The following HPSE2 variants were observed in gnomAD, a reference collection of about 807,000 sequenced individuals.
HPSE2 encodes inactive heparanase-2.
HPSE2 carries 38 observed loss-of-function variants against 60.5 expected under a neutral mutation model. The observed-to-expected ratio is 0.63, with a 90% CI of 0.48 to 0.82. The LOEUF (loss-of-function observed/expected upper bound fraction) is 0.82, where lower values mean the gene tolerates loss of function less well. Among genes scored for constraint, HPSE2 ranks in the 40% least tolerant of loss-of-function variants. The pLI is 0.00. For synonymous variants in HPSE2, 295 were observed against 293.2 expected (o/e 1.01, Z -0.06); for missense variants, 713 against 740.4 (o/e 0.96, Z 0.43).
chr10:99,081,030 G>A (rs552506230), intron 3 of HPSE2, among the ~76,000 whole-genome samples: 6 of 152,232 alleles, frequency 3.9e-5, no homozygotes, highest in African/African-American at 9.6e-5. Context: ...TCCTGACCTC[G>A]TGATCCACCC....
chr10:98,718,999 C>T (rs1014192477), intron 5 of HPSE2, among the ~76,000 whole-genome samples: 11 of 152,074 alleles, frequency 7.2e-5, no homozygotes, highest in East Asian at 3.9e-4. Flanking sequence ...CAAATACGTA[C>T]GATTTTTATG....
intron 9 of HPSE2, among the ~76,000 whole-genome samples, chr10:98,567,725 T>C (rs1224609554): frequency 6.7e-6 from 1 of 148,314 alleles, no homozygotes; most frequent in Non-Finnish European, 1.5e-5. Flanking sequence ...GAATATTTCC[T>C]TCGTGTTTCT....
intron 6 of HPSE2, among the ~76,000 whole-genome samples, chr10:98,654,394 T>C (rs1947002933): frequency 6.6e-6 from 1 of 152,230 alleles, no homozygotes; most frequent in African/African-American, 2.4e-5. Flanking sequence ...TTGTCGCACA[T>C]TTCTTGGCTA....
chr10:99,139,846 C>G (rs1312549367), intron 3 of HPSE2, among the ~76,000 whole-genome samples: 1 of 152,042 alleles, frequency 6.6e-6, no homozygotes, highest in Non-Finnish European at 1.5e-5. Flanking sequence ...CAATATCAAC[C>G]CAGGTGGGTG....
chr10:99,051,454 G>T (rs1589578617), intron 3 of HPSE2, among the ~76,000 whole-genome samples: 1 of 152,230 alleles, frequency 6.6e-6, no homozygotes, highest in East Asian at 1.9e-4. Flanking sequence ...GTGCCAAATG[G>T]TACAGAAATC....
intron 3 of HPSE2, among the ~76,000 whole-genome samples, chr10:98,772,233 G>T (rs1950255581): frequency 1.3e-5 from 2 of 152,176 alleles, no homozygotes; most frequent in Admixed American, 1.3e-4. Flanking sequence ...ATGGTTAACA[G>T]AGCATGACAT....
intron 11 of HPSE2, among the ~76,000 whole-genome samples, chr10:98,459,948 A>G (rs1940214137): frequency 6.6e-6 from 1 of 152,128 alleles, no homozygotes; most frequent in African/African-American, 2.4e-5. Context: ...CCCTGAGGTA[A>G]GTAACTATTA....
In HPSE2 at chr10:98,868,077, GAAAA is replaced by G. The variant is rs1383099952; in HGVS notation, c.611-124025_611-124022del. The stretch of plus-strand genomic sequence containing the variant: ...CATCTCCACAAAAAAAAGAAAGAAA[GAAAA>G]TAAATAAATAAATAAATAAATAAAT... On this transcript the variant is annotated intron_variant, in intron 3 of 11. Coordinates refer to ENST00000370552, the MANE Select transcript of HPSE2 (RefSeq NM_021828.5). Among the ~76,000 whole-genome samples the G allele has an allele frequency of 7.4e-5, 7 of 94,288 alleles. No individual in the cohort carries two copies. The East Asian group carries it at 1.9e-3, about 26-fold the overall frequency. The allele number at this position is 94,288 out of a possible 152,430, so 61.9% of individuals were successfully genotyped here.
At chr10:98,563,926 T>C (rs182341941) in intron 9 of HPSE2, among the ~76,000 whole-genome samples, 1 of 152,342 alleles carries the variant, frequency 6.6e-6, no homozygotes, top group East Asian at 1.9e-4. Flanking sequence ...CTACGAGGGC[T>C]GGAGAAACTC....
intron 6 of HPSE2, among the ~76,000 whole-genome samples, chr10:98,675,762 A>G (rs1947625007): frequency 6.6e-6 from 1 of 152,098 alleles, no homozygotes; most frequent in South Asian, 2.1e-4. Context: ...GAAAAAAGAA[A>G]GAGAGGGTTG....
chr10:98,770,918 G>A (rs974813850), intron 3 of HPSE2, among the ~76,000 whole-genome samples: 3 of 152,110 alleles, frequency 2.0e-5, no homozygotes, highest in Non-Finnish European at 2.9e-5. Context: ...CCTGACAAAA[G>A]GTGATGGCTC....
At chr10:98,584,008 C>T (rs969201770) in intron 9 of HPSE2, among the ~76,000 whole-genome samples, 3 of 152,228 alleles carry the variant, frequency 2.0e-5, no homozygotes, top group Middle Eastern at 3.4e-3. Flanking sequence ...TTTTAATTCT[C>T]TTGGGTATAT....
intron 2 of HPSE2, among the ~76,000 whole-genome samples, chr10:99,152,667 C>T (rs865944045): frequency 3.3e-5 from 5 of 152,122 alleles, no homozygotes; most frequent in Non-Finnish European, 5.9e-5. Context: ...TAACATTAAC[C>T]TTAAATTGAC....
the HPSE2 span, among the ~76,000 whole-genome samples, chr10:99,297,108 G>A: frequency 6.6e-6 from 1 of 152,298 alleles, no homozygotes; most frequent in African/African-American, 2.4e-5. Context: ...CCACTACCTC[G>A]TGTAGGGCCT....
At chr10:98,924,048 G>C (rs1954371099) in intron 3 of HPSE2, among the ~76,000 whole-genome samples, 1 of 152,140 alleles carries the variant, frequency 6.6e-6, no homozygotes, top group African/African-American at 2.4e-5. Context: ...TGTCTTTCTT[G>C]GGAAGGTTTT....
intron 3 of HPSE2, among the ~76,000 whole-genome samples, chr10:98,919,183 A>C (rs1190530540): frequency 6.6e-6 from 1 of 152,222 alleles, no homozygotes; most frequent in African/African-American, 2.4e-5. Flanking sequence ...GCAGTGTGTA[A>C]AGTGAACAAG....
intron 3 of HPSE2, among the ~76,000 whole-genome samples, chr10:98,790,468 G>GGTTA (rs1950630854): frequency 6.6e-6 from 1 of 152,136 alleles, no homozygotes; most frequent in South Asian, 2.1e-4. Flanking sequence ...TTAGAAAGGA[G>GGTTA]GTTACCAGAG....
chr10:98,697,828 G>A (rs983564360), intron 5 of HPSE2, among the ~76,000 whole-genome samples: 5 of 152,288 alleles, frequency 3.3e-5, no homozygotes, highest in Admixed American at 1.3e-4. Flanking sequence ...AACCCTGCAA[G>A]CCAGAAGAGA....
chr10:98,500,277 A>G (rs1941987395), intron 9 of HPSE2, among the ~76,000 whole-genome samples: 9 of 152,224 alleles, frequency 5.9e-5, no homozygotes, highest in Admixed American at 5.9e-4. Flanking sequence ...GACAGGCCAT[A>G]AAATGAATCT....
Sources: allele counts gnomAD v4.1 joint callset (sites outside exome capture counted in the v4.1 genomes callset), GRCh38; gene constraint gnomAD v4.1.1; transcripts MANE v1.5; gene names NCBI Gene and HGNC (gene_info 2026-07-23, HGNC 2026-07-21).